PDGFRA: variants seen among roughly 807,000 people sequenced by gnomAD.
The protein encoded by PDGFRA is platelet derived growth factor receptor alpha, also known as platelet-derived growth factor receptor alpha.
In PDGFRA, 25 loss-of-function variants were observed where a neutral mutation model predicts 121.5. The ratio of observed to expected loss-of-function variants is 0.21; its 90% CI spans 0.15 to 0.29. The LOEUF (loss-of-function observed/expected upper bound fraction) is 0.29, where lower values mean the gene tolerates loss of function less well. PDGFRA is among the 10% of genes least tolerant of loss of function. The pLI is 1.00. For missense variants in PDGFRA, 1,008 were observed against 1,345.1 expected, an observed-to-expected ratio of 0.75 and a Z score of 3.92; for synonymous variants, 463 against 494.8, an observed-to-expected ratio of 0.94 and a Z score of 0.85.
chr4:54,242,246 A>G (rs138461308), intron 1 of PDGFRA, among the ~76,000 whole-genome samples: 8 of 151,296 alleles, frequency 5.3e-5, no homozygotes, highest in African/African-American at 1.9e-4. Flanking sequence ...ACAGCTTCTG[A>G]TTTTCTCACT....
intron 2 of PDGFRA, among the ~76,000 whole-genome samples, chr4:54,259,733 T>C (rs1722583666): frequency 6.6e-6 from 1 of 152,168 alleles, no homozygotes; most frequent in African/African-American, 2.4e-5. Context: ...TACAGAGTAA[T>C]AGGTGATCCA....
chr4:54,242,895 C>T (rs371428850), intron 1 of PDGFRA, among the ~76,000 whole-genome samples: 36 of 152,106 alleles, frequency 2.4e-4, no homozygotes, highest in Admixed American at 2.4e-3. Context: ...GCTCTGTTTA[C>T]GTCACATTAC....
Position 54,239,194 on chromosome 4 carries a change from G to T in PDGFRA, c.-13+9779G>T, listed in dbSNP as rs191205114. ...GCAATGACCAGAGATACTCTATATG[G>T]TCTAAAAAGGGGAGGAACCCTCAGT... On this transcript the variant is annotated intron_variant, in intron 1 of 22. Transcript: ENST00000257290. Among the ~76,000 whole-genome samples the T allele has an allele frequency of 2.6e-5, 4 of 152,256 alleles. No homozygotes were observed. The East Asian group carries it at 7.7e-4, about 29-fold the overall frequency.
chr4:54,234,113 G>A (rs1206319172), intron 1 of PDGFRA, among the ~76,000 whole-genome samples: 1 of 152,206 alleles, frequency 6.6e-6, no homozygotes, highest in Non-Finnish European at 1.5e-5. Flanking sequence ...TCGTCTTCCC[G>A]GCTCCGAAGA....
chr4:54,283,329 T>C (rs934768574), intron 16 of PDGFRA, among the ~76,000 whole-genome samples: 2 of 152,212 alleles, frequency 1.3e-5, no homozygotes, highest in Non-Finnish European at 2.9e-5. Context: ...CCTCAACTCT[T>C]AACACTCTGT....
intron 1 of PDGFRA, among the ~76,000 whole-genome samples, chr4:54,244,089 C>T (rs576448997): frequency 3.1e-4 from 47 of 152,332 alleles, no homozygotes; most frequent in African/African-American, 1.1e-3. Flanking sequence ...GAGCCCACCA[C>T]AGCTCAAGGA....
chr4:54,290,496 C>T lies in PDGFRA; in HGVS notation c.3064C>T (p.Leu1022=), dbSNP rs761331787. 4 of 1,614,044 alleles carry T rather than the reference C, an allele frequency of 2.5e-6. No homozygotes were observed. In the South Asian group the frequency reaches 4.4e-5, roughly 18 times the overall value. The stretch of plus-strand genomic sequence containing the variant: ...CGCTGACAGTGGCTACATCATTCCT[C>T]TGCCTGACATTGACCCTGTCCCTGA... The part of the protein sequence containing the change: ...LSADSGYIIP[L]PDIDPVPEEE... The change falls in exon 22 of 23, where the codon CTG becomes TTG. Residue 1022 remains leucine (L), a synonymous_variant. Transcript: ENST00000257290.
intron 1 of PDGFRA, among the ~76,000 whole-genome samples, chr4:54,251,875 A>G (rs536611215): frequency 6.6e-6 from 1 of 152,366 alleles, no homozygotes; most frequent in East Asian, 1.9e-4. Flanking sequence ...ACAAGAGCCT[A>G]TGTGGCAAAT....
chr4:54,253,325 A>G (rs1273242343), intron 1 of PDGFRA, among the ~76,000 whole-genome samples: 7 of 152,238 alleles, frequency 4.6e-5, no homozygotes, highest in Admixed American at 1.3e-4. Context: ...CAAGCAACCA[A>G]TCAGACCTTA....
At chr4:54,248,297 G>C (rs1318350529) in intron 1 of PDGFRA, among the ~76,000 whole-genome samples, 1 of 152,110 alleles carries the variant, frequency 6.6e-6, no homozygotes, top group Non-Finnish European at 1.5e-5. Context: ...GAGGCATCAC[G>C]CTACCTGACT....
chr4:54,244,963 T>C (rs1054168205), intron 1 of PDGFRA, among the ~76,000 whole-genome samples: 12 of 152,186 alleles, frequency 7.9e-5, no homozygotes, highest in African/African-American at 2.9e-4. Context: ...GAAGAAAGGG[T>C]ATCAGTGATG....
chr4:54,264,295 A>T, intron 4 of PDGFRA: 1 of 374,328 alleles, frequency 2.7e-6, no homozygotes, highest in Non-Finnish European at 4.8e-6. Context: ...AAGAAAAGTG[A>T]TTTGAAGAAA....
At chr4:54,235,685 G>C (rs546093913) in intron 1 of PDGFRA, among the ~76,000 whole-genome samples, 1 of 152,198 alleles carries the variant, frequency 6.6e-6, no homozygotes, top group African/African-American at 2.4e-5. Context: ...GGAGGTAGGA[G>C]GTGCAGGGCA....
chr4:54,265,241 T>C (rs1722969978), intron 5 of PDGFRA, 192 bp downstream of exon 5: 1 of 623,578 alleles, frequency 1.6e-6, no homozygotes, highest in Non-Finnish European at 2.9e-6. Flanking sequence ...TTTGAAATGA[T>C]AGTTCCTGGA....
intron 20 of PDGFRA, 48 bp downstream of exon 20, chr4:54,288,946 C>G (rs747499542): frequency 1.3e-6 from 2 of 1,529,768 alleles, no homozygotes; most frequent in Non-Finnish European, 1.8e-6. Context: ...GTCTGTGGGT[C>G]TAGGGGGAGG....
At chr4:54,287,739 T>C (rs1724426365) in intron 19 of PDGFRA, among the ~76,000 whole-genome samples, 198 bp downstream of exon 19, 1 of 152,144 alleles carries the variant, frequency 6.6e-6, no homozygotes, top group African/African-American at 2.4e-5. Flanking sequence ...GGGGTTTTTG[T>C]TGGGGGTTGC....
At chr4:54,233,743 G>T (rs1460221333) in intron 1 of PDGFRA, among the ~76,000 whole-genome samples, 2 of 152,238 alleles carry the variant, frequency 1.3e-5, no homozygotes, top group Non-Finnish European at 2.9e-5. Flanking sequence ...GAGTGTGGAG[G>T]AGGACGGGTC....
chr4:54,293,066 C>T (rs1285729556), intron 22 of PDGFRA, among the ~76,000 whole-genome samples: 1 of 152,116 alleles, frequency 6.6e-6, no homozygotes, highest in Non-Finnish European at 1.5e-5. Flanking sequence ...TTGTTTTGTT[C>T]TGTCTGAGAT....
At chr4:54,293,706 T>G (rs1461130384) in intron 22 of PDGFRA, among the ~76,000 whole-genome samples, 1 of 152,134 alleles carries the variant, frequency 6.6e-6, no homozygotes, top group South Asian at 2.1e-4. Flanking sequence ...GCTGGGATTA[T>G]AGGCATGAAC....
Sources: gnomAD v4.1 joint callset for allele counts (sites outside exome capture counted in the v4.1 genomes callset) on GRCh38, gnomAD v4.1.1 for gene constraint, MANE v1.5 for transcripts, NCBI Gene and HGNC (gene_info 2026-07-23, HGNC 2026-07-21) for gene names.